PCNX1: variants seen among roughly 807,000 people sequenced by gnomAD.
The protein encoded by PCNX1 is pecanex-like protein 1.
Under a neutral mutation model 242.2 loss-of-function variants are expected in PCNX1, and 78 were observed. The observed-to-expected ratio is 0.32, with a 90% CI of 0.27 to 0.39. The LOEUF (loss-of-function observed/expected upper bound fraction) is 0.39, where lower values mean the gene tolerates loss of function less well. Among genes scored for constraint, PCNX1 ranks in the 10% least tolerant of loss-of-function variants. The probability of loss-of-function intolerance (pLI) is 1.00; values close to 1 mark genes in which losing one functional copy is unlikely to be tolerated. For synonymous variants in PCNX1, 1,024 were observed against 1,032.9 expected, an observed-to-expected ratio of 0.99 and a Z score of 0.17; for missense variants, 2,581 against 2,856.5, an observed-to-expected ratio of 0.90 and a Z score of 2.20.
chr14:70,923,105 C>CAT (rs1196895506), intron 1 of PCNX1, among the ~76,000 whole-genome samples: 1 of 95,892 alleles, frequency 1.0e-5, no homozygotes, highest in Non-Finnish European at 2.4e-5. Context: ...TAGACACACA[C>CAT]ACGTCTTTTT....
intron 6 of PCNX1, among the ~76,000 whole-genome samples, chr14:70,981,272 G>A (rs1310313232): frequency 2.6e-5 from 4 of 152,134 alleles, no homozygotes; most frequent in Non-Finnish European, 4.4e-5. Context: ...GTAGCCTGTC[G>A]TTTAACCTTA....
At chr14:71,070,717 T>G (rs989966234) in intron 26 of PCNX1, among the ~76,000 whole-genome samples, 1 of 152,310 alleles carries the variant, frequency 6.6e-6, no homozygotes, top group African/African-American at 2.4e-5. Context: ...CCATTTATAG[T>G]GCACAGTTAG....
chr14:71,097,791 C>G (rs1053686850), intron 30 of PCNX1, among the ~76,000 whole-genome samples: 1 of 152,144 alleles, frequency 6.6e-6, no homozygotes, highest in Non-Finnish European at 1.5e-5. Flanking sequence ...TTAATTAGGT[C>G]TCACTTGTCA....
chr14:71,069,050 T>C (rs2061526936), intron 26 of PCNX1, among the ~76,000 whole-genome samples: 1 of 152,136 alleles, frequency 6.6e-6, no homozygotes, highest in African/African-American at 2.4e-5. Context: ...CTCCCAGTCA[T>C]GGCAGAAGGT....
intron 2 of PCNX1, among the ~76,000 whole-genome samples, chr14:70,950,972 A>C (rs369825257): frequency 1.3e-5 from 2 of 151,936 alleles, no homozygotes; most frequent in Admixed American, 1.3e-4. Context: ...TCTGCTTTTG[A>C]TAACGTTTTC....
In PCNX1 at chr14:71,108,774, C is replaced by T. The variant is rs983368423; in HGVS notation, c.6472C>T (p.Leu2158Phe). 7 of 1,614,128 alleles carry T rather than the reference C, an allele frequency of 4.3e-6. No homozygotes were observed. Among genetic ancestry groups the T allele is most frequent in the Non-Finnish European group, 5.1e-6 (6 of 1,180,056 alleles). Reference sequence around the variant, plus strand: ...GCGCTCTTCTACTAGTCAGATATCGCTTCGAAACTTGCCATCATCCATCCA... The same window carrying T: ...GCGCTCTTCTACTAGTCAGATATCGTTTCGAAACTTGCCATCATCCATCCA... The part of the protein sequence containing the change: ...CRRSSTSQIS[L>F]RNLPSSIQSR... The change falls in exon 34 of 36, where the codon CTT becomes TTT. Residue 2158 changes from leucine (L) to phenylalanine (F), a missense_variant. Around this residue, in one of 9 missense-constraint regions of PCNX1, gnomAD observed 432 missense variants for 433.6 expected, o/e 1.00. Coordinates refer to ENST00000304743, the MANE Select transcript of PCNX1 (RefSeq NM_014982.3).
In PCNX1 at chr14:70,932,262, C is replaced by T. The variant is rs145294959; in HGVS notation, c.154-14653C>T. 5.9e-5 allele frequency among the ~76,000 whole-genome samples: 9 copies of T among 152,216 alleles called. No individual in the cohort carries two copies. In the East Asian group the frequency reaches 1.5e-3, roughly 26 times the overall value. ...ATATAAGGCAGCAAAGGACAGCTTC[C>T]GGGGAGAGACAATTGTATTTATTTG... On this transcript the variant is annotated intron_variant, in intron 1 of 35. Transcript: ENST00000304743.
At chr14:70,920,330 C>G (rs893021791) in intron 1 of PCNX1, among the ~76,000 whole-genome samples, 1 of 152,146 alleles carries the variant, frequency 6.6e-6, no homozygotes, top group Admixed American at 6.5e-5. Flanking sequence ...GTTTCAAGAT[C>G]CTTCAGTCCA....
intron 22 of PCNX1, 112 bp downstream of exon 22, chr14:71,048,096 AC>A: frequency 1.6e-6 from 1 of 644,548 alleles, no homozygotes; most frequent in Non-Finnish European, 2.5e-6. Flanking sequence ...TTAAGTAATA[AC>A]TCTCTTCAAC....
chr14:70,948,853 A>G (rs2057589617), intron 2 of PCNX1, among the ~76,000 whole-genome samples: 1 of 148,306 alleles, frequency 6.7e-6, no homozygotes, highest in African/African-American at 2.5e-5. Context: ...GTATGTGTGT[A>G]TATATACACA....
chr14:70,940,993 C>G (rs1252667496), intron 1 of PCNX1, among the ~76,000 whole-genome samples: 1 of 152,178 alleles, frequency 6.6e-6, no homozygotes, highest in Non-Finnish European at 1.5e-5. Flanking sequence ...TTAAGGTCTT[C>G]TCTACATTGT....
At chr14:71,074,900 C>T (rs1427754697) in intron 27 of PCNX1, among the ~76,000 whole-genome samples, 3 of 151,892 alleles carry the variant, frequency 2.0e-5, no homozygotes, top group South Asian at 2.1e-4. Context: ...TAGGGGCTTC[C>T]AGGTGAAGCC....
intron 8 of PCNX1, among the ~76,000 whole-genome samples, chr14:71,001,989 C>T (rs1041939217): frequency 2.6e-5 from 4 of 152,164 alleles, no homozygotes; most frequent in Non-Finnish European, 4.4e-5. Context: ...ACATGCCTTT[C>T]GTTTTCTCCC....
intron 5 of PCNX1, among the ~76,000 whole-genome samples, chr14:70,974,232 G>A (rs976329530): frequency 7.0e-6 from 1 of 142,844 alleles, no homozygotes; most frequent in Admixed American, 7.0e-5. Context: ...TGGAATTGTG[G>A]TTTTTTTTGT....
At chr14:70,924,231 CAAAAA>C (rs60333920) in intron 1 of PCNX1, among the ~76,000 whole-genome samples, 1 of 98,006 alleles carries the variant, frequency 1.0e-5, no homozygotes. Context: ...GAGACTGTCT[CAAAAA>C]AAAAAAAAAA....
At chr14:70,918,121 T>C (rs1182690520) in intron 1 of PCNX1, among the ~76,000 whole-genome samples, 2 of 152,224 alleles carry the variant, frequency 1.3e-5, no homozygotes, top group Admixed American at 1.3e-4. Context: ...GCTGGTTTGA[T>C]CTTCTATTCA....
chr14:70,968,571 C>T (rs560912671), intron 4 of PCNX1, among the ~76,000 whole-genome samples: 1 of 152,182 alleles, frequency 6.6e-6, no homozygotes, highest in South Asian at 2.1e-4. Context: ...TGATGTGAAA[C>T]CTTCTAATGT....
At chr14:71,026,467 A>C (rs2140869841) in intron 14 of PCNX1, among the ~76,000 whole-genome samples, 179 bp downstream of exon 14, 1 of 152,318 alleles carries the variant, frequency 6.6e-6, no homozygotes, top group Middle Eastern at 3.4e-3. Flanking sequence ...ATGATGAACA[A>C]ATATTATAGT....
At chr14:70,923,736 G>GA (rs2056469190) in intron 1 of PCNX1, among the ~76,000 whole-genome samples, 1 of 152,052 alleles carries the variant, frequency 6.6e-6, no homozygotes, top group South Asian at 2.1e-4. Flanking sequence ...TTTTAATAGT[G>GA]AATAGTATTC....
Sources: gnomAD v4.1 joint callset for allele counts (sites outside exome capture counted in the v4.1 genomes callset) on GRCh38, gnomAD v4.1.1 for gene constraint, gnomAD v4.1.1 regional missense constraint, MANE v1.5 for transcripts, NCBI Gene and HGNC (gene_info 2026-07-23, HGNC 2026-07-21) for gene names.